The following FGD4 variants were observed in gnomAD, a reference collection of about 807,000 sequenced individuals.
FGD4 encodes the protein FYVE, RhoGEF and PH domain-containing protein 4.
FGD4 carries 42 observed loss-of-function variants against 102.0 expected under a neutral mutation model. The ratio of observed to expected loss-of-function variants is 0.41; its 90% CI spans 0.32 to 0.53. The LOEUF (loss-of-function observed/expected upper bound fraction) is 0.53, where lower values mean the gene tolerates loss of function less well. FGD4 is among the 20% of genes least tolerant of loss of function. FGD4 has a pLI of 0.21. For synonymous variants in FGD4, 380 were observed against 375.7 expected (o/e 1.01, Z -0.13); for missense variants, 902 against 1,078.2 (o/e 0.84, Z 2.29).
At chr12:32,552,944 A>ATTTTTTTTTT (rs71068326) in intron 1 of FGD4, among the ~76,000 whole-genome samples, 133 of 123,850 alleles carry the variant, frequency 1.1e-3, no homozygotes, top group Non-Finnish European at 1.4e-3. Context: ...CGCCTGGCTA[A>ATTTTTTTTTT]TTTTTTTTTT....
At chr12:32,440,615 G>T (rs902838207) in intron 1 of FGD4, among the ~76,000 whole-genome samples, 1 of 152,192 alleles carries the variant, frequency 6.6e-6, no homozygotes, top group African/African-American at 2.4e-5. Flanking sequence ...CACGGCGTCA[G>T]ACTTGAAGCC....
At chr12:32,628,694 G>T (rs1950321700) in intron 14 of FGD4, among the ~76,000 whole-genome samples, 1 of 152,104 alleles carries the variant, frequency 6.6e-6, no homozygotes, top group African/African-American at 2.4e-5. Context: ...GCTGAGGCCG[G>T]AGAATCACTT....
chr12:32,402,880 A>G lies in FGD4; in HGVS notation c.166+2921A>G, dbSNP rs368638857. Among the ~76,000 whole-genome samples the G allele has an allele frequency of 3.9e-5, 6 of 152,060 alleles. No homozygotes were observed. In the East Asian group the frequency reaches 1.2e-3, roughly 29 times the overall value. ...TGACCACACCCTGTTCAATTTGGGA[A>G]GGGTAAAAAATATTTTAGAAAGTGC... On this transcript the variant is annotated intron_variant, in intron 1 of 16. Transcript: ENST00000534526.
In FGD4 at chr12:32,634,230, A is replaced by G. The variant is rs891570749; in HGVS notation, c.2313+541A>G. Among the ~76,000 whole-genome samples, 22 of 151,674 alleles carry G rather than the reference A, an allele frequency of 1.5e-4. 1 individual carries two copies. Among genetic ancestry groups the G allele is most frequent in the African/African-American group, 5.4e-4 (22 of 40,986 alleles). On this transcript the variant is annotated intron_variant, in intron 15 of 16. Transcript: ENST00000534526. ...AGCTAGAGCCAAATATTTCAGTATT[A>G]ATTGGCATCTCTTCTTATACCCAAA...
intron 1 of FGD4, among the ~76,000 whole-genome samples, chr12:32,457,613 G>A (rs1414237736): frequency 6.6e-6 from 1 of 152,188 alleles, no homozygotes; most frequent in African/African-American, 2.4e-5. Flanking sequence ...TGTTTATTGA[G>A]CTTCTGAGAT....
chr12:32,520,494 G>A (rs1940422082), intron 1 of FGD4, among the ~76,000 whole-genome samples: 1 of 147,380 alleles, frequency 6.8e-6, no homozygotes, highest in Non-Finnish European at 1.5e-5. Flanking sequence ...GGAGTGCAGT[G>A]GTGCAATCTT....
At chr12:32,436,480 G>C (rs1565739277) in intron 1 of FGD4, among the ~76,000 whole-genome samples, 1 of 152,346 alleles carries the variant, frequency 6.6e-6, no homozygotes, top group East Asian at 1.9e-4. Context: ...ACTGCACAGT[G>C]TCCACACATT....
At chr12:32,449,703 T>C (rs79894242) in intron 1 of FGD4, among the ~76,000 whole-genome samples, 19,003 of 152,120 alleles carry the variant, frequency 0.12, 1,259 homozygotes, top group Non-Finnish European at 0.16. Flanking sequence ...TAATATTTTG[T>C]GGGGAAGTAA....
chr12:32,535,525 T>G (rs995517779), intron 1 of FGD4, among the ~76,000 whole-genome samples: 5 of 152,014 alleles, frequency 3.3e-5, no homozygotes, highest in African/African-American at 1.2e-4. Context: ...CCCTGCTCCC[T>G]CCATCACTCA....
chr12:32,507,427 A>T (rs1938889893), intron 1 of FGD4, among the ~76,000 whole-genome samples: 1 of 152,198 alleles, frequency 6.6e-6, no homozygotes, highest in African/African-American at 2.4e-5. Flanking sequence ...ATAAGGAGCC[A>T]GCCACGTGTA....
chr12:32,430,448 A>G (rs949172284), intron 1 of FGD4, among the ~76,000 whole-genome samples: 1 of 152,204 alleles, frequency 6.6e-6, no homozygotes. Context: ...TTGTTTGACT[A>G]GATTATATCG....
rs760696455 is a variant in FGD4 at position 32,625,052 on chromosome 12, T to C, written c.2030T>C (p.Ile677Thr). 6.2e-7 allele frequency: 1 copy of C among 1,612,626 alleles called. No homozygotes were observed. The highest frequency in any genetic ancestry group is 1.3e-5 in the African/African-American group (1 of 74,884). ...AATGCAATTGCAAAGGATAATGACA[T>C]TCACTCAGAGGTTTCTGTGAGTTGA... is the stretch of plus-strand genomic sequence containing the variant. ...FRNAIAKDND[I>T]HSEVSTAELG... is the part of the protein sequence containing the mutation. Residue 677 changes from isoleucine (I) to threonine (T), a missense_variant, in exon 13 of 17, where the codon ATT becomes ACT. Transcript: ENST00000534526.
chr12:32,506,463 G>A lies in FGD4; in HGVS notation c.167-57674G>A, dbSNP rs1938749967. Among the ~76,000 whole-genome samples, 1 of 152,144 alleles carries A rather than the reference G, an allele frequency of 6.6e-6. No homozygotes were observed. On this transcript the variant is annotated intron_variant, in intron 1 of 16. Coordinates refer to ENST00000534526, the MANE Select transcript of FGD4 (RefSeq NM_001370298.3). This position sits in a 1 kb window ranked among gnomAD's most constrained non-coding sequence, Gnocchi z 4.5. ...AAGCAGGTGGGGGAGGGAGGAGCCT[G>A]AGGAACGACTATGGTCCACTCTAGG...
intron 3 of FGD4, among the ~76,000 whole-genome samples, chr12:32,580,499 A>G (rs1167484156): frequency 6.6e-6 from 1 of 152,104 alleles, no homozygotes; most frequent in Non-Finnish European, 1.5e-5. Flanking sequence ...TAGTTGCTTT[A>G]TTTCTTCTCG....
intron 1 of FGD4, among the ~76,000 whole-genome samples, chr12:32,464,840 A>G (rs576960674): frequency 6.6e-6 from 1 of 152,376 alleles, no homozygotes; most frequent in East Asian, 1.9e-4. Context: ...GTCCCTTATA[A>G]TAGACATTAA....
chr12:32,632,671 C>CTTTATT lies in FGD4; in HGVS notation c.2173-858_2173-853dup, dbSNP rs1284082095. Among the ~76,000 whole-genome samples, 32 of 150,698 alleles carry CTTTATT rather than the reference C, an allele frequency of 2.1e-4. No individual in the cohort carries two copies. In the South Asian group the frequency reaches 3.8e-3, roughly 18 times the overall value. The stretch of plus-strand genomic sequence containing the variant: ...ATAGAAGAGGAATAAATCAGAGTAG[C>CTTTATT]TTTATTTTTATTTTTATTTTTATTT... On this transcript the variant is annotated intron_variant, in intron 14 of 16. Transcript: ENST00000534526.
intron 1 of FGD4, among the ~76,000 whole-genome samples, chr12:32,507,432 C>T (rs1222643617): frequency 1.3e-5 from 2 of 152,058 alleles, no homozygotes. Flanking sequence ...GAGCCAGCCA[C>T]GTGTAATCTG....
intron 4 of FGD4, among the ~76,000 whole-genome samples, chr12:32,595,647 G>C (rs1947833122): frequency 6.6e-6 from 1 of 152,152 alleles, no homozygotes; most frequent in Non-Finnish European, 1.5e-5. Context: ...GGAACTGACT[G>C]TATAGTAGTA....
intron 6 of FGD4, 40 bp downstream of exon 6, chr12:32,601,463 C>G (rs1485105905): frequency 6.3e-7 from 1 of 1,578,190 alleles, no homozygotes; most frequent in Non-Finnish European, 8.6e-7. Context: ...TTAAGGCAGT[C>G]ATGCTGTATT....
Sources: allele counts gnomAD v4.1 joint callset (sites outside exome capture counted in the v4.1 genomes callset), GRCh38; gene constraint gnomAD v4.1.1; non-coding constraint Gnocchi (gnomAD v3.1); transcripts MANE v1.5; gene names NCBI Gene and HGNC (gene_info 2026-07-23, HGNC 2026-07-21).